The following PTPN21 variants were observed in gnomAD, a reference collection of about 807,000 sequenced individuals.
PTPN21 encodes protein tyrosine phosphatase non-receptor type 21.
A neutral mutation model predicts 131.8 loss-of-function variants in PTPN21; 77 were observed. The ratio of observed to expected loss-of-function variants is 0.58; its 90% CI spans 0.49 to 0.71. The LOEUF (loss-of-function observed/expected upper bound fraction) is 0.71, where lower values mean the gene tolerates loss of function less well. Ranked by LOEUF, PTPN21 falls within the 30% of genes least tolerant of loss-of-function variation. PTPN21 has a pLI of 0.00. For missense variants in PTPN21, 1,552 were observed against 1,527.1 expected (o/e 1.02, Z -0.27); for synonymous variants, 715 against 621.3 (o/e 1.15, Z -2.24).
intron 10 of PTPN21, among the ~76,000 whole-genome samples, chr14:88,493,645 GA>G (rs2077858718): frequency 6.6e-6 from 1 of 152,234 alleles, no homozygotes; most frequent in Non-Finnish European, 1.5e-5. Flanking sequence ...ATACAGATGA[GA>G]TAGGGCGTGG....
intron 10 of PTPN21, among the ~76,000 whole-genome samples, chr14:88,496,014 C>T (rs1267975088): frequency 6.6e-6 from 1 of 152,120 alleles, no homozygotes; most frequent in Admixed American, 6.5e-5. Context: ...GCAATATCAC[C>T]GTGTGCTTTA....
chr14:88,479,022 C>G lies in PTPN21; in HGVS notation c.2409G>C (p.Thr803=), dbSNP rs761416270. Reference sequence around the variant, plus strand: ...CCCTCCGGGCTCGGTAGCGGCCTGACGTGGTGAGGTCGGACTCCGACATGG... The same window carrying G: ...CCCTCCGGGCTCGGTAGCGGCCTGAGGTGGTGAGGTCGGACTCCGACATGG... ...MPSMSESDLT[T]SGRYRARRDS... Residue 803 remains threonine, a synonymous_variant, in exon 13 of 19, where the codon ACG becomes ACC. Coordinates refer to ENST00000556564, the MANE Select transcript of PTPN21 (RefSeq NM_007039.4). 9 of 1,606,760 alleles carry G rather than the reference C, an allele frequency of 5.6e-6. No individual in the cohort carries two copies. Among genetic ancestry groups the G allele is most frequent in the Non-Finnish European group, 7.6e-6 (9 of 1,177,376 alleles).
rs11299114 is a variant in PTPN21 at position 88,547,297 on chromosome 14, GAA to G, written c.180+2939_180+2940del. Among the ~76,000 whole-genome samples the G allele has an allele frequency of 6.2e-3, 867 of 139,374 alleles. 10 individuals carry two copies. The highest frequency in any genetic ancestry group is 0.027 in the East Asian group (134 of 4,874). 91.4% of individuals were successfully genotyped at this position (139,374 alleles called of 152,430 possible). A position where few individuals can be genotyped will look rare whatever the true frequency, so the allele number is the denominator to read the frequency against. ...TTACAGGAAGAAGAAACCATAATAGGAAAAAAAAAAAAAAAGTCGAAGCAACC... is the reference window on the plus strand; with the variant it reads ...TTACAGGAAGAAGAAACCATAATAGGAAAAAAAAAAAAAGTCGAAGCAACC... On this transcript the variant is annotated intron_variant, in intron 2 of 18. Transcript: ENST00000556564.
chr14:88,485,918 G>A, intron 10 of PTPN21, 76 bp from the exon 11 acceptor site: 3 of 875,430 alleles, frequency 3.4e-6, no homozygotes, highest in Admixed American at 2.2e-5. Context: ...ATATAGGAAT[G>A]TAAAATAATA....
chr14:88,473,196 G>A (rs544338038), intron 14 of PTPN21, among the ~76,000 whole-genome samples: 25 of 152,234 alleles, frequency 1.6e-4, no homozygotes, highest in African/African-American at 4.8e-4. Flanking sequence ...CCAGGATCCC[G>A]TTGTAAAGCA....
At chr14:88,536,466 T>C (rs1352498588) in intron 2 of PTPN21, among the ~76,000 whole-genome samples, 3 of 152,212 alleles carry the variant, frequency 2.0e-5, no homozygotes, top group Non-Finnish European at 4.4e-5. Context: ...ACAAAGTGAT[T>C]TGATAACCAA....
At chr14:88,490,309 G>A (rs1348651554) in intron 10 of PTPN21, among the ~76,000 whole-genome samples, 1 of 151,938 alleles carries the variant, frequency 6.6e-6, no homozygotes, top group African/African-American at 2.4e-5. Context: ...GTGACCGGCC[G>A]ACATGTGTGG....
In PTPN21 at chr14:88,468,937, G is replaced by A. The variant is rs61740081; in HGVS notation, c.3375C>T (p.Ile1125=). Residue 1125 remains isoleucine, a synonymous_variant, in exon 18 of 19, where the codon ATC becomes ATT. Coordinates refer to ENST00000556564, the MANE Select transcript of PTPN21 (RefSeq NM_007039.4). ...TGVVILSEIM[I]ACLEHNEVLD... ...TCACCTCATTGTGTTCCAGGCAGGC[G>A]ATCATGATCTCCGACAAAATCACCA... The A allele has an allele frequency of 1.9e-4, 314 of 1,614,134 alleles. No individual in the cohort carries two copies. In the African/African-American group the frequency reaches 3.3e-3, roughly 17 times the overall value.
At chr14:88,522,948 A>AT (rs35795303) in intron 2 of PTPN21, among the ~76,000 whole-genome samples, 143,575 of 147,932 alleles carry the variant, frequency 0.97, 69,730 homozygotes, top group Non-Finnish European at 0.99. Context: ...GGGTAAGACC[A>AT]TTTTTTTTTT....
chr14:88,508,946 C>T (rs1401649496), intron 3 of PTPN21, among the ~76,000 whole-genome samples: 2 of 152,142 alleles, frequency 1.3e-5, no homozygotes, highest in Non-Finnish European at 2.9e-5. Flanking sequence ...CCTGAACTCT[C>T]CAAATTAGTA....
At chr14:88,532,488 G>A (rs779848695) in intron 2 of PTPN21, among the ~76,000 whole-genome samples, 15 of 152,232 alleles carry the variant, frequency 9.9e-5, no homozygotes, top group South Asian at 2.1e-4. Flanking sequence ...GCAACCTCAC[G>A]TGAACATAAT....
chr14:88,546,089 A>G (rs889190943), intron 2 of PTPN21, among the ~76,000 whole-genome samples: 1 of 152,086 alleles, frequency 6.6e-6, no homozygotes, highest in African/African-American at 2.4e-5. Context: ...TACATTGGAT[A>G]CATGTATATT....
chr14:88,479,742 G>C lies in PTPN21; in HGVS notation c.1689C>G (p.Tyr563Ter). The change falls in exon 13 of 19, where the codon TAC becomes TAG. Residue 563 changes from tyrosine (Y) to a stop codon, truncating the protein, a stop_gained. Coordinates refer to ENST00000556564, the MANE Select transcript of PTPN21 (RefSeq NM_007039.4). LOFTEE classifies it high-confidence loss of function. ...GGGGCGGGTAGGGTGGGGGTGGCCG[G>C]TACACCTGCGTCCGCATGATGTTGG... ...PSPNIMRTQVYRPPPPYPPPR... is the reference protein window; with the variant it reads ...PSPNIMRTQV 1 of 1,538,808 alleles carries C rather than the reference G, an allele frequency of 6.5e-7. No homozygotes were observed. The highest frequency in any genetic ancestry group is 8.7e-7 in the Non-Finnish European group (1 of 1,150,056).
intron 2 of PTPN21, among the ~76,000 whole-genome samples, chr14:88,538,025 G>A (rs1054910807): frequency 6.6e-6 from 1 of 152,322 alleles, no homozygotes; most frequent in African/African-American, 2.4e-5. Context: ...GACCAAAAAT[G>A]TGATATGCAG....
intron 2 of PTPN21, among the ~76,000 whole-genome samples, chr14:88,527,854 T>C (rs1272173458): frequency 6.6e-6 from 1 of 152,164 alleles, no homozygotes; most frequent in Non-Finnish European, 1.5e-5. Flanking sequence ...GAGGATCCAG[T>C]TTCATTATTA....
chr14:88,534,941 A>G (rs1164253563), intron 2 of PTPN21, among the ~76,000 whole-genome samples: 6 of 152,178 alleles, frequency 3.9e-5, no homozygotes, highest in African/African-American at 7.2e-5. Context: ...AGAGGCTACA[A>G]TAGTGTCCTA....
At chr14:88,539,028 T>C (rs1219316308) in intron 2 of PTPN21, among the ~76,000 whole-genome samples, 2 of 152,172 alleles carry the variant, frequency 1.3e-5, no homozygotes, top group African/African-American at 2.4e-5. Context: ...GAGGAGATCC[T>C]ACACTTAAAT....
chr14:88,518,287 C>T (rs1325420757), intron 2 of PTPN21, among the ~76,000 whole-genome samples: 1 of 90,786 alleles, frequency 1.1e-5, no homozygotes, highest in African/African-American at 4.4e-5. Flanking sequence ...CACACACATA[C>T]GCACACACAC....
chr14:88,510,952 G>C (rs2078169172), intron 3 of PTPN21, among the ~76,000 whole-genome samples: 1 of 149,238 alleles, frequency 6.7e-6, no homozygotes, highest in South Asian at 2.1e-4. Flanking sequence ...TTGCTCTATA[G>C]CCCAGGCTGG....
Sources: gnomAD v4.1 joint callset for allele counts (sites outside exome capture counted in the v4.1 genomes callset) on GRCh38, gnomAD v4.1.1 for gene constraint, MANE v1.5 for transcripts, NCBI Gene and HGNC (gene_info 2026-07-23, HGNC 2026-07-21) for gene names.